Variants in CRADD observed in about 807,000 individuals in gnomAD.
CRADD encodes CARD and death domain containing adaptor protein.
Under a neutral mutation model 15.5 loss-of-function variants are expected in CRADD, and 9 were observed. That is an observed-to-expected ratio of 0.58 (90% CI 0.35 to 1.01). The LOEUF is 1.01. CRADD is among the 50% of genes least tolerant of loss of function. CRADD has a pLI of 0.02. For synonymous variants in CRADD, 118 were observed against 107.6 expected (o/e 1.10, Z -0.60); for missense variants, 227 against 250.3 (o/e 0.91, Z 0.63).
intron 2 of CRADD, among the ~76,000 whole-genome samples, chr12:93,796,274 T>C (rs975944560): frequency 3.3e-5 from 5 of 152,190 alleles, no homozygotes; most frequent in African/African-American, 1.2e-4. Context: ...TACAAATCTG[T>C]TCTTTTGTCA....
Position 93,846,510 on chromosome 12 carries a change from A to G in CRADD, c.299-3460A>G, listed in dbSNP as rs74747360. ...AGCTCTCCTAATGAGTGTGAAGTGG[A>G]ATGGATTTTTTAAAAGATAGAGCCA... On this transcript the variant is annotated intron_variant, in intron 2 of 2. Coordinates refer to ENST00000332896, the MANE Select transcript of CRADD (RefSeq NM_003805.5). 1.9e-3 allele frequency: 288 copies of G among 151,618 alleles called. 1 individual carries two copies. Among genetic ancestry groups the G allele is most frequent in the African/African-American group, 6.7e-3 (275 of 41,306 alleles). The allele number at this position is 151,618 out of a possible 1,614,324, so 9.4% of individuals were successfully genotyped here. A position where few individuals can be genotyped will look rare whatever the true frequency, so the allele number is the denominator to read the frequency against.
chr12:93,729,785 C>CAAA (rs55852003), intron 2 of CRADD, among the ~76,000 whole-genome samples: 4 of 75,538 alleles, frequency 5.3e-5, no homozygotes, highest in East Asian at 3.9e-4. Context: ...GACTCCGTCT[C>CAAA]AAAAAAAAAA....
chr12:93,885,930 T>G (rs61927339), intron 2 of CRADD, among the ~76,000 whole-genome samples: 1 of 151,986 alleles, frequency 6.6e-6, no homozygotes, highest in Non-Finnish European at 1.5e-5. Context: ...TCCCAGCTAC[T>G]TGGGAGGCTG....
intron 2 of CRADD, among the ~76,000 whole-genome samples, chr12:93,686,515 C>T (rs530425174): frequency 2.0e-5 from 3 of 152,178 alleles, no homozygotes; most frequent in South Asian, 2.1e-4. Context: ...CACAGTTTTG[C>T]TCTTTCAATT....
intron 2 of CRADD, among the ~76,000 whole-genome samples, chr12:93,865,049 G>A (rs1421015866): frequency 6.6e-6 from 1 of 152,228 alleles, no homozygotes; most frequent in Non-Finnish European, 1.5e-5. Context: ...TGCTGAAAGA[G>A]TGAATCAACA....
At chr12:93,877,378 A>G (rs1047858613) in intron 2 of CRADD, among the ~76,000 whole-genome samples, 2 of 152,144 alleles carry the variant, frequency 1.3e-5, no homozygotes, top group African/African-American at 4.8e-5. Context: ...CGATCACTTG[A>G]TGCCAAAACC....
intron 2 of CRADD, among the ~76,000 whole-genome samples, chr12:93,882,537 G>C (rs765718272): frequency 6.6e-6 from 1 of 151,104 alleles, no homozygotes; most frequent in Non-Finnish European, 1.5e-5. Context: ...AGCTAAATTT[G>C]TATATAAAAG....
Position 93,836,352 on chromosome 12 carries a change from T to C in CRADD, c.299-13618T>C, listed in dbSNP as rs572837278. 2.0e-5 allele frequency among the ~76,000 whole-genome samples: 3 copies of C among 152,324 alleles called. No homozygotes were observed. In the East Asian group the frequency reaches 5.8e-4, roughly 29 times the overall value. ...TTTTTGATGGGCTTCATTTTTATTTTATTACCTTTTCTTCATTCCCTTAGG... is the reference window on the plus strand; with the variant it reads ...TTTTTGATGGGCTTCATTTTTATTTCATTACCTTTTCTTCATTCCCTTAGG... On this transcript the variant is annotated intron_variant, in intron 2 of 2. Transcript: ENST00000332896.
chr12:93,759,895 CTT>C (rs918360937), intron 2 of CRADD, among the ~76,000 whole-genome samples: 3 of 152,198 alleles, frequency 2.0e-5, no homozygotes, highest in African/African-American at 7.2e-5. Flanking sequence ...GGAGTCTACT[CTT>C]TTCAAAATAA....
intron 2 of CRADD, among the ~76,000 whole-genome samples, chr12:93,771,733 T>C (rs1034123643): frequency 9.9e-5 from 15 of 152,174 alleles, no homozygotes; most frequent in Non-Finnish European, 2.2e-4. Flanking sequence ...AGACAGATAA[T>C]ATAATTGCAT....
chr12:93,738,602 G>C lies in CRADD; in HGVS notation c.298+59530G>C, dbSNP rs933867083. On this transcript the variant is annotated intron_variant, in intron 2 of 2. Coordinates refer to ENST00000332896, the MANE Select transcript of CRADD (RefSeq NM_003805.5). ...CCGCCACCCCCTGCACCACACGCCA[G>C]CCCTTAATAAAAACTAAAACTGATG... 4.3e-5 allele frequency: 26 copies of C among 599,912 alleles called. 1 individual carries two copies. The highest frequency in any genetic ancestry group is 1.5e-4 in the Admixed American group (5 of 34,062). The allele number at this position is 599,912 out of a possible 1,614,324, so 37.2% of individuals were successfully genotyped here.
At position 93,806,093 on chromosome 12, in the gene CRADD, C is replaced by T. The variant is rs1236314507; in HGVS notation, c.299-43877C>T. ...TGCCTCGGGAAATTTAACAGGTACA[C>T]CTGTTTTCTTTCAGTGGCTGAAAAT... On this transcript the variant is annotated intron_variant, in intron 2 of 2. Coordinates refer to ENST00000332896, the MANE Select transcript of CRADD (RefSeq NM_003805.5). Among the ~76,000 whole-genome samples, 3 of 152,086 alleles carry T rather than the reference C, an allele frequency of 2.0e-5. No homozygotes were observed. In the East Asian group the frequency reaches 5.8e-4, roughly 29 times the overall value.
chr12:93,713,043 T>C (rs1956101444), intron 2 of CRADD, among the ~76,000 whole-genome samples: 1 of 152,172 alleles, frequency 6.6e-6, no homozygotes, highest in African/African-American at 2.4e-5. Flanking sequence ...CTTTTTTGTG[T>C]GTGTCTTTAT....
chr12:93,883,707 C>T (rs962091700), intron 2 of CRADD, among the ~76,000 whole-genome samples: 3 of 152,206 alleles, frequency 2.0e-5, no homozygotes, highest in East Asian at 1.9e-4. Context: ...GTGGCACATG[C>T]CTGTAGTCCT....
chr12:93,807,121 A>T (rs2137003251), intron 2 of CRADD, among the ~76,000 whole-genome samples: 1 of 152,260 alleles, frequency 6.6e-6, no homozygotes, highest in East Asian at 1.9e-4. Context: ...AGAGTGGGTG[A>T]AAGAATATTG....
rs776513664 is a variant in CRADD, at chr12:93,678,935, C to T, written c.161C>T (p.Thr54Ile). 30 of 1,614,040 alleles carry T rather than the reference C, an allele frequency of 1.9e-5. No individual in the cohort carries two copies. The highest frequency in any genetic ancestry group is 2.5e-5 in the Non-Finnish European group (29 of 1,180,028). Residue 54 changes from threonine (T) to isoleucine (I), a missense_variant, in exon 2 of 3, where the codon ACA (threonine) becomes ATA (isoleucine). By Grantham distance (89) the Thr-to-Ile change is moderately conservative (BLOSUM62 -1). Coordinates refer to ENST00000332896, the MANE Select transcript of CRADD (RefSeq NM_003805.5). Reference sequence around the variant, plus strand: ...GCTCAAACCACAGGCCTCCGGAAAACAATGCTCCTGCTGGATATCCTACCT... The same window carrying T: ...GCTCAAACCACAGGCCTCCGGAAAATAATGCTCCTGCTGGATATCCTACCT... ...INAQTTGLRK[T>I]MLLLDILPSR...
At chr12:93,830,225 G>T (rs1010965689) in intron 2 of CRADD, among the ~76,000 whole-genome samples, 7 of 152,134 alleles carry the variant, frequency 4.6e-5, no homozygotes, top group Admixed American at 3.9e-4. Flanking sequence ...AGAAGAGGAT[G>T]GCTGATTTAC....
chr12:93,706,422 T>C (rs749167608), intron 2 of CRADD, among the ~76,000 whole-genome samples: 5 of 150,770 alleles, frequency 3.3e-5, no homozygotes, highest in Non-Finnish European at 5.9e-5. Context: ...AAGCATTTGC[T>C]ACCAAAATTT....
intron 2 of CRADD, among the ~76,000 whole-genome samples, chr12:93,750,531 A>G (rs1222481512): frequency 6.6e-6 from 1 of 151,250 alleles, no homozygotes; most frequent in East Asian, 1.9e-4. Flanking sequence ...AACAAAAAAT[A>G]CATACAAAAA....
Sources: allele counts gnomAD v4.1 joint callset (sites outside exome capture counted in the v4.1 genomes callset), GRCh38; gene constraint gnomAD v4.1.1; transcripts MANE v1.5; gene names NCBI Gene and HGNC (gene_info 2026-07-23, HGNC 2026-07-21).